Variants in CXADR observed in about 807,000 individuals in gnomAD.
CXADR encodes coxsackievirus and adenovirus receptor.
A neutral mutation model predicts 40.3 loss-of-function variants in CXADR; 20 were observed. The observed-to-expected ratio is 0.50, with a 90% CI of 0.35 to 0.72. The LOEUF is 0.72. CXADR is among the 30% of genes least tolerant of loss of function. The pLI, the probability that CXADR is intolerant of heterozygous loss-of-function variation, is 0.01. For synonymous variants in CXADR, 150 were observed against 161.3 expected (o/e 0.93, Z 0.53); for missense variants, 332 against 449.1 (o/e 0.74, Z 2.36).
At chr21:17,526,856 A>T (rs2060603918) in intron 1 of CXADR, among the ~76,000 whole-genome samples, 1 of 151,688 alleles carries the variant, frequency 6.6e-6, no homozygotes, top group Non-Finnish European at 1.5e-5. Context: ...TTGTTTTGCT[A>T]AATAGTCACT....
At chr21:17,547,222 G>A in intron 2 of CXADR, 29 bp downstream of exon 2, 2 of 1,613,278 alleles carry the variant, frequency 1.2e-6, no homozygotes, top group Non-Finnish European at 1.7e-6. Context: ...TGCTCGCTTA[G>A]CAGCTGTCTG....
chr21:17,531,402 G>A (rs574167475), intron 1 of CXADR, among the ~76,000 whole-genome samples: 1 of 151,780 alleles, frequency 6.6e-6, no homozygotes, highest in South Asian at 2.1e-4. Flanking sequence ...GGATGTGTTA[G>A]TGCCATCTCA....
intron 1 of CXADR, among the ~76,000 whole-genome samples, chr21:17,537,927 A>G (rs1398831198): frequency 1.3e-5 from 2 of 152,170 alleles, no homozygotes; most frequent in African/African-American, 4.8e-5. Context: ...ATTAGAGGAC[A>G]TATGTTCTGG....
intron 1 of CXADR, among the ~76,000 whole-genome samples, chr21:17,528,968 C>A (rs982591942): frequency 1.3e-5 from 2 of 151,310 alleles, no homozygotes; most frequent in Non-Finnish European, 1.5e-5. Flanking sequence ...TACTCACGGA[C>A]TGTGATGCAC....
chr21:17,553,368 A>G (rs1874167142), intron 3 of CXADR, among the ~76,000 whole-genome samples: 1 of 152,072 alleles, frequency 6.6e-6, no homozygotes, highest in Non-Finnish European at 1.5e-5. Flanking sequence ...TGGTAGATAG[A>G]CTCTGCTGGC....
chr21:17,575,287 A>G (rs1485899239), intron 7 of CXADR, among the ~76,000 whole-genome samples: 1 of 151,874 alleles, frequency 6.6e-6, no homozygotes, highest in Non-Finnish European at 1.5e-5. Flanking sequence ...TTTGCTCAGC[A>G]ATACTCCTGC....
the CXADR span, among the ~76,000 whole-genome samples, chr21:17,627,344 A>G: frequency 1.7e-3 from 254 of 152,296 alleles, 4 homozygotes; most frequent in Non-Finnish European, 2.9e-3. Context: ...CAACAAGAGC[A>G]AAACTTCACC....
At chr21:17,562,781 G>T (rs766877532) in intron 6 of CXADR, among the ~76,000 whole-genome samples, 2 of 152,130 alleles carry the variant, frequency 1.3e-5, no homozygotes, top group African/African-American at 4.8e-5. Flanking sequence ...GCTTCACTTT[G>T]TATTTTTATG....
chr21:17,632,992 T>C, the CXADR span, among the ~76,000 whole-genome samples: 1 of 152,204 alleles, frequency 6.6e-6, no homozygotes, highest in Non-Finnish European at 1.5e-5. Flanking sequence ...TCTAAACCTG[T>C]GCTAAGACAA....
chr21:17,620,464 C>T, the CXADR span, among the ~76,000 whole-genome samples: 2 of 152,262 alleles, frequency 1.3e-5, no homozygotes, highest in South Asian at 4.1e-4. Flanking sequence ...TCAAAGATCA[C>T]TGATCACAAA....
intron 1 of CXADR, among the ~76,000 whole-genome samples, chr21:17,513,493 G>C (rs954782656): frequency 1.3e-5 from 2 of 152,226 alleles, no homozygotes; most frequent in Non-Finnish European, 2.9e-5. Context: ...GCCCCGGTGC[G>C]GGCTTGCCTT....
rs1450980321 is a variant in CXADR at position 17,536,103 on chromosome 21, A to G, written c.44-10924A>G. On this transcript the variant is annotated intron_variant, in intron 1 of 6. Transcript: ENST00000284878. The stretch of plus-strand genomic sequence containing the variant: ...CCAGATATTTCGAGAAGAATCATGT[A>G]TCAGTGTGTAATCTTTTTTCCTTTA... Among the ~76,000 whole-genome samples the G allele has an allele frequency of 6.6e-5, 10 of 152,210 alleles. No homozygotes were observed. The East Asian group carries it at 1.9e-3, about 29-fold the overall frequency.
At position 17,575,491 on chromosome 21, in the gene CXADR, AAT is replaced by A. The variant is rs1491324289; in HGVS notation, c.1017+9881_1017+9882del. Among the ~76,000 whole-genome samples, 12 of 50,356 alleles carry A rather than the reference AAT, an allele frequency of 2.4e-4. 1 individual carries two copies. Among genetic ancestry groups the A allele is most frequent in the Non-Finnish European group, 4.4e-4 (11 of 25,228 alleles). The allele number at this position is 50,356 out of a possible 152,430, so 33.0% of individuals were successfully genotyped here. A position where few individuals can be genotyped will look rare whatever the true frequency, so the allele number is the denominator to read the frequency against. On this transcript the variant is annotated intron_variant, in intron 7 of 7. Coordinates refer to the CXADR transcript ENST00000400169. Reference sequence around the variant, plus strand: ...CCACCATGCCTGTCCTCAATTGTAAAATTTTTTTTTTTTTTTTGAGGCGGAGT... The same window carrying A: ...CCACCATGCCTGTCCTCAATTGTAAATTTTTTTTTTTTTTTGAGGCGGAGT...
At chr21:17,609,502 A>G in the CXADR span, among the ~76,000 whole-genome samples, 1 of 152,248 alleles carries the variant, frequency 6.6e-6, no homozygotes, top group African/African-American at 2.4e-5. Flanking sequence ...TTTAGCTGCA[A>G]TAATCTAAGT....
chr21:17,617,695 C>A, the CXADR span, among the ~76,000 whole-genome samples: 3,392 of 152,278 alleles, frequency 0.022, 125 homozygotes, highest in African/African-American at 0.075. Context: ...TGCTAATGAT[C>A]ATCTGAGCCT....
At chr21:17,573,159 C>T (rs1475254828), downstream of CXADR, among the ~76,000 whole-genome samples, 1 of 152,042 alleles carries the variant, frequency 6.6e-6, no homozygotes, top group African/African-American at 2.4e-5. Context: ...TCTCTTCCCT[C>T]TATGCATGTC....
intron 1 of CXADR, among the ~76,000 whole-genome samples, chr21:17,523,195 A>C (rs1197607969): frequency 6.6e-6 from 1 of 152,070 alleles, no homozygotes; most frequent in African/African-American, 2.4e-5. Flanking sequence ...CGATACTGTC[A>C]TTGTTTTCTC....
chr21:17,549,970 A>C (rs1378493998), intron 2 of CXADR, among the ~76,000 whole-genome samples: 1 of 152,224 alleles, frequency 6.6e-6, no homozygotes. Flanking sequence ...TTGTGTTTAC[A>C]GAGTAAGTCA....
the CXADR span, among the ~76,000 whole-genome samples, chr21:17,602,602 C>T: frequency 6.6e-6 from 1 of 152,096 alleles, no homozygotes; most frequent in African/African-American, 2.4e-5. Context: ...GAACACCTGA[C>T]ACTCGCAGGT....
Sources: allele counts gnomAD v4.1 joint callset (sites outside exome capture counted in the v4.1 genomes callset), GRCh38; gene constraint gnomAD v4.1.1; transcripts MANE v1.5; gene names NCBI Gene and HGNC (gene_info 2026-07-23, HGNC 2026-07-21).